BAZ1A: variants seen among roughly 807,000 people sequenced by gnomAD.
BAZ1A encodes the protein bromodomain adjacent to zinc finger domain protein 1A.
BAZ1A carries 50 observed loss-of-function variants against 185.2 expected under a neutral mutation model. That is an observed-to-expected ratio of 0.27 (90% CI 0.22 to 0.34). The LOEUF is 0.34. Among genes scored for constraint, BAZ1A ranks in the 10% least tolerant of loss-of-function variants. The probability of loss-of-function intolerance (pLI) is 1.00; values close to 1 mark genes in which losing one functional copy is unlikely to be tolerated. For missense variants in BAZ1A, 1,356 were observed against 1,839.9 expected, an observed-to-expected ratio of 0.74 and a Z score of 4.81; for synonymous variants, 571 against 615.6, an observed-to-expected ratio of 0.93 and a Z score of 1.07.
chr14:34,847,520 C>A (rs2042534097), intron 3 of BAZ1A, among the ~76,000 whole-genome samples: 1 of 152,040 alleles, frequency 6.6e-6, no homozygotes, highest in South Asian at 2.1e-4. Flanking sequence ...ATCCTTTCTG[C>A]TAATCTATAT....
At chr14:34,813,859 A>G (rs2041966142) in intron 4 of BAZ1A, among the ~76,000 whole-genome samples, 1 of 152,004 alleles carries the variant, frequency 6.6e-6, no homozygotes, top group South Asian at 2.1e-4. Flanking sequence ...CCTGGCCAAC[A>G]TGGTGAAACC....
intron 7 of BAZ1A, 91 bp from the exon 8 acceptor site, chr14:34,801,284 T>C (rs1881534330): frequency 2.3e-6 from 2 of 863,008 alleles, no homozygotes; most frequent in African/African-American, 3.5e-5. Context: ...ACTTTCTTTA[T>C]ACTAAAATGA....
chr14:34,853,788 A>G (rs2138796510), intron 3 of BAZ1A, among the ~76,000 whole-genome samples: 1 of 152,308 alleles, frequency 6.6e-6, no homozygotes, highest in Non-Finnish European at 1.5e-5. Flanking sequence ...CCCCATCTCA[A>G]AGATAAAAGA....
In BAZ1A at chr14:34,785,714, G is replaced by C. The variant is rs531944925; in HGVS notation, c.1831+63C>G. ...TGTAAAATTTCTCATCAGCTCCTTA[G>C]TTTTCTGGGCATAAGAGGGAGGAAG... is the stretch of plus-strand genomic sequence containing the variant. On this transcript the variant is annotated intron_variant, in intron 14 of 26. Coordinates refer to ENST00000360310, the MANE Select transcript of BAZ1A (RefSeq NM_013448.3). 4.3e-5 allele frequency: 62 copies of C among 1,448,346 alleles called. No individual in the cohort carries two copies. In the African/African-American group the frequency reaches 7.1e-4, roughly 16 times the overall value. 89.7% of individuals were successfully genotyped at this position (1,448,346 alleles called of 1,614,324 possible). A position where few individuals can be genotyped will look rare whatever the true frequency, so the allele number is the denominator to read the frequency against.
chr14:34,849,274 G>T (rs1275632219), intron 3 of BAZ1A, among the ~76,000 whole-genome samples: 1 of 152,184 alleles, frequency 6.6e-6, no homozygotes, highest in Non-Finnish European at 1.5e-5. Flanking sequence ...GACAGAGTGA[G>T]ACTGTCTCTC....
At chr14:34,768,706 T>C (rs906223699) in intron 21 of BAZ1A, 6 of 422,842 alleles carry the variant, frequency 1.4e-5, no homozygotes, top group African/African-American at 6.3e-5. Flanking sequence ...TCACACTAGA[T>C]AGATCTTCCT....
At chr14:34,776,830 T>G (rs973667276) in intron 17 of BAZ1A, among the ~76,000 whole-genome samples, 2 of 152,172 alleles carry the variant, frequency 1.3e-5, no homozygotes, top group African/African-American at 2.4e-5. Context: ...AGGCACTGTC[T>G]GCAAGCCAAG....
chr14:34,870,034 G>T (rs1021440361), intron 2 of BAZ1A, among the ~76,000 whole-genome samples: 2 of 152,156 alleles, frequency 1.3e-5, no homozygotes, highest in African/African-American at 2.4e-5. Flanking sequence ...AGTGAGCCCA[G>T]AGGAAACCAG....
chr14:34,807,922 G>A (rs1368639104), intron 5 of BAZ1A, among the ~76,000 whole-genome samples: 3 of 151,658 alleles, frequency 2.0e-5, no homozygotes, highest in African/African-American at 4.8e-5. Context: ...TGGCTAACAC[G>A]GTGAAACCCT....
At chr14:34,806,011 T>G (rs1881837921) in intron 6 of BAZ1A, among the ~76,000 whole-genome samples, 2 of 152,052 alleles carry the variant, frequency 1.3e-5, no homozygotes. Context: ...CCTTGGTATT[T>G]TTTTTTCTAT....
chr14:34,853,612 C>CT (rs757095574), intron 3 of BAZ1A, among the ~76,000 whole-genome samples: 8 of 152,124 alleles, frequency 5.3e-5, no homozygotes, highest in Non-Finnish European at 7.4e-5. Context: ...TGGTGAAACT[C>CT]TGTCTTTACT....
intron 9 of BAZ1A, among the ~76,000 whole-genome samples, chr14:34,798,128 C>T (rs1483375236): frequency 2.0e-5 from 3 of 152,222 alleles, no homozygotes; most frequent in Non-Finnish European, 4.4e-5. Context: ...GAGGGGGCGT[C>T]CGCCACTGCT....
chr14:34,764,120 CT>C (rs1878636065), intron 23 of BAZ1A, among the ~76,000 whole-genome samples: 1 of 152,048 alleles, frequency 6.6e-6, no homozygotes, highest in Admixed American at 6.6e-5. Flanking sequence ...AGTATAGAAG[CT>C]GTTTCCAGGT....
chr14:34,827,138 A>G (rs1325624825), intron 3 of BAZ1A, among the ~76,000 whole-genome samples: 1 of 151,534 alleles, frequency 6.6e-6, no homozygotes, highest in Non-Finnish European at 1.5e-5. Context: ...TCTCTGGAAA[A>G]CTCTGTCTAA....
rs377352234 is a variant in BAZ1A, at chr14:34,814,860, G to A, written c.537-3824C>T. ...GCGGTCTCGGCTCACTGCAACCTCC[G>A]TTTCCTGGGTTCAAGAGATTCTCCT... On this transcript the variant is annotated intron_variant, in intron 4 of 26. Transcript: ENST00000360310. Among the ~76,000 whole-genome samples the A allele has an allele frequency of 6.9e-4, 104 of 151,460 alleles. 1 individual carries two copies. Among genetic ancestry groups the A allele is most frequent in the African/African-American group, 2.2e-3 (91 of 41,196 alleles).
chr14:34,802,866 T>C lies in BAZ1A; in HGVS notation c.849A>G (p.Ile283Met), dbSNP rs777733503. The change falls in exon 7 of 27, where the codon ATA becomes ATG. Residue 283 changes from isoleucine (I) to methionine (M), a missense_variant. Ile to Met is a conservative substitution (Grantham distance 10, BLOSUM62 1). Transcript: ENST00000360310. ...ATTCTGTACTTACTTGACTAATATG[T>C]ATTCGTTTGGGAGGTCTCCCTCTTC... Reference protein sequence around the residue: ...NRRRGRPPKRIHISQEDNVAN... With the variant: ...NRRRGRPPKRMHISQEDNVAN... The C allele has an allele frequency of 1.9e-6, 3 of 1,613,082 alleles. No individual in the cohort carries two copies. Among genetic ancestry groups the C allele is most frequent in the Non-Finnish European group, 1.7e-6 (2 of 1,179,404 alleles).
At chr14:34,830,769 CTTTTTTTTTT>C (rs1296749026) in intron 3 of BAZ1A, among the ~76,000 whole-genome samples, 1 of 128,430 alleles carries the variant, frequency 7.8e-6, no homozygotes. Flanking sequence ...TCTACAACTC[CTTTTTTTTTT>C]TTTTTTTTTG....
chr14:34,846,743 A>G (rs1256214798), intron 3 of BAZ1A, among the ~76,000 whole-genome samples: 1 of 152,180 alleles, frequency 6.6e-6, no homozygotes, highest in African/African-American at 2.4e-5. Context: ...GGAGCCAATT[A>G]GGTTGGATGG....
intron 4 of BAZ1A, among the ~76,000 whole-genome samples, chr14:34,814,944 T>G (rs1343320983): frequency 6.6e-6 from 1 of 151,912 alleles, no homozygotes; most frequent in African/African-American, 2.4e-5. Context: ...TAGCTAATTT[T>G]ATGTATTTTT....
Sources: gnomAD v4.1 joint callset for allele counts (sites outside exome capture counted in the v4.1 genomes callset) on GRCh38, gnomAD v4.1.1 for gene constraint, MANE v1.5 for transcripts, NCBI Gene and HGNC (gene_info 2026-07-23, HGNC 2026-07-21) for gene names.